Variants in PPM1L observed in about 807,000 individuals in gnomAD.
The protein encoded by PPM1L is protein phosphatase 1L.
In PPM1L, 13 loss-of-function variants were observed where a neutral mutation model predicts 31.4. That is an observed-to-expected ratio of 0.41 (90% CI 0.27 to 0.66). PPM1L has a LOEUF of 0.66. PPM1L is among the 30% of genes least tolerant of loss of function. The pLI, the probability that PPM1L is intolerant of heterozygous loss-of-function variation, is 0.29. For synonymous variants in PPM1L, 184 were observed against 175.4 expected, an observed-to-expected ratio of 1.05 and a Z score of -0.39; for missense variants, 326 against 453.7, an observed-to-expected ratio of 0.72 and a Z score of 2.56.
chr3:160,942,055 A>G (rs1715180275), intron 1 of PPM1L, among the ~76,000 whole-genome samples: 1 of 152,204 alleles, frequency 6.6e-6, no homozygotes, highest in Non-Finnish European at 1.5e-5. Context: ...CGAGTGTCAT[A>G]GATGTTAAAC....
intron 2 of PPM1L, among the ~76,000 whole-genome samples, chr3:160,982,194 A>G (rs1296630150): frequency 6.6e-6 from 1 of 152,178 alleles, no homozygotes; most frequent in East Asian, 1.9e-4. Flanking sequence ...CACAGTGTAC[A>G]TTTCATCTCT....
intron 2 of PPM1L, chr3:161,022,091 T>G: frequency 1.6e-6 from 1 of 644,266 alleles, no homozygotes; most frequent in East Asian, 2.8e-5. Context: ...ACTCCATTAT[T>G]GCATACTTTT....
At chr3:161,002,578 C>T (rs1218043123) in intron 2 of PPM1L, among the ~76,000 whole-genome samples, 1 of 149,984 alleles carries the variant, frequency 6.7e-6, no homozygotes, top group Non-Finnish European at 1.5e-5. Context: ...TTGCATTTCT[C>T]TGATAGCCAG....
Position 161,077,545 on chromosome 3 carries a change from G to T in PPM1L, c.*8388G>T, listed in dbSNP as rs1006770656. ...CTCTCCATGGCCTATTTTTATTTTT[G>T]TTCCCAAGAGACTAGTGTAATAACC... On this transcript the variant is annotated 3_prime_UTR_variant, in exon 4 of 4. Coordinates refer to ENST00000498165, the MANE Select transcript of PPM1L (RefSeq NM_139245.4). The T allele has an allele frequency of 6.6e-6, 1 of 152,222 alleles. No homozygotes were observed. Among genetic ancestry groups the T allele is most frequent in the African/African-American group, 2.4e-5 (1 of 41,456 alleles). 9.4% of individuals were successfully genotyped at this position (152,222 alleles called of 1,614,324 possible).
At chr3:160,800,244 C>T (rs576472872) in intron 1 of PPM1L, among the ~76,000 whole-genome samples, 3 of 152,184 alleles carry the variant, frequency 2.0e-5, no homozygotes, top group Admixed American at 2.0e-4. Flanking sequence ...TTCCTTTAGA[C>T]AGTTTTAATT....
At chr3:160,914,392 A>G (rs1430945512) in intron 1 of PPM1L, among the ~76,000 whole-genome samples, 2 of 149,200 alleles carry the variant, frequency 1.3e-5, no homozygotes, top group South Asian at 2.2e-4. Context: ...GCACCCATTA[A>G]CTCCTCATTT....
intron 2 of PPM1L, among the ~76,000 whole-genome samples, chr3:161,061,866 A>C (rs1285098174): frequency 6.6e-6 from 1 of 152,156 alleles, no homozygotes; most frequent in Non-Finnish European, 1.5e-5. Context: ...ACAACAACAA[A>C]AAATTCAACT....
chr3:161,027,141 T>G (rs1718423951), intron 2 of PPM1L, among the ~76,000 whole-genome samples: 1 of 152,238 alleles, frequency 6.6e-6, no homozygotes, highest in Admixed American at 6.5e-5. Flanking sequence ...TCTAACCACA[T>G]TGTAAATGCT....
intron 1 of PPM1L, among the ~76,000 whole-genome samples, chr3:160,794,197 G>A (rs1217661794): frequency 1.3e-5 from 2 of 152,106 alleles, no homozygotes; most frequent in African/African-American, 4.8e-5. Flanking sequence ...CCAACTTTTG[G>A]CTTATGGAAG....
chr3:161,055,475 A>G (rs755016095), intron 2 of PPM1L, among the ~76,000 whole-genome samples: 69 of 152,030 alleles, frequency 4.5e-4, no homozygotes, highest in Non-Finnish European at 1.5e-4. Flanking sequence ...CTCTTTTTCC[A>G]GTATGTTGCA....
At chr3:160,980,365 T>C (rs1716753300) in intron 2 of PPM1L, among the ~76,000 whole-genome samples, 1 of 151,984 alleles carries the variant, frequency 6.6e-6, no homozygotes, top group Non-Finnish European at 1.5e-5. Context: ...TTATACTTAA[T>C]GGGGCTTTTT....
At chr3:161,050,279 A>G (rs896126720) in intron 2 of PPM1L, among the ~76,000 whole-genome samples, 1 of 152,206 alleles carries the variant, frequency 6.6e-6, no homozygotes, top group African/African-American at 2.4e-5. Context: ...TCAAACAACT[A>G]TCAAAAAGAC....
intron 1 of PPM1L, among the ~76,000 whole-genome samples, chr3:160,757,920 A>G (rs115577246): frequency 0.015 from 2,246 of 152,236 alleles, 27 homozygotes; most frequent in Non-Finnish European, 0.023. Flanking sequence ...TGTTTTGGGT[A>G]AACATTGAGA....
chr3:160,912,897 G>C (rs112394774), intron 1 of PPM1L, among the ~76,000 whole-genome samples: 1 of 152,124 alleles, frequency 6.6e-6, no homozygotes, highest in Non-Finnish European at 1.5e-5. Flanking sequence ...GAAACAGAAT[G>C]GCTGTAGGAA....
chr3:160,797,698 T>C (rs1712300795), intron 1 of PPM1L, among the ~76,000 whole-genome samples: 1 of 152,234 alleles, frequency 6.6e-6, no homozygotes, highest in Non-Finnish European at 1.5e-5. Context: ...GGAAAAGTTT[T>C]AGTGGCCTGC....
At chr3:160,909,244 A>G (rs985853886) in intron 1 of PPM1L, among the ~76,000 whole-genome samples, 1 of 152,178 alleles carries the variant, frequency 6.6e-6, no homozygotes, top group Non-Finnish European at 1.5e-5. Flanking sequence ...ATTTGCATGA[A>G]GGAGGAAGAG....
intron 1 of PPM1L, among the ~76,000 whole-genome samples, chr3:160,891,797 C>G (rs2108046629): frequency 6.6e-6 from 1 of 152,270 alleles, no homozygotes; most frequent in Admixed American, 6.5e-5. Flanking sequence ...TACATGTACA[C>G]CATGGAATAC....
chr3:161,022,611 CA>C (rs1200952059), intron 2 of PPM1L: 3 of 150,496 alleles, frequency 2.0e-5, no homozygotes, highest in African/African-American at 7.3e-5. Flanking sequence ...CTTCAAGTGA[CA>C]ACTTTTCTCA....
At chr3:160,792,961 G>A (rs1712145484) in intron 1 of PPM1L, among the ~76,000 whole-genome samples, 1 of 152,194 alleles carries the variant, frequency 6.6e-6, no homozygotes, top group South Asian at 2.1e-4. Context: ...TTGGGGTTGT[G>A]TGATGTTTTT....
Sources: allele counts gnomAD v4.1 joint callset (sites outside exome capture counted in the v4.1 genomes callset), GRCh38; gene constraint gnomAD v4.1.1; transcripts MANE v1.5; gene names NCBI Gene and HGNC (gene_info 2026-07-23, HGNC 2026-07-21).